PPFIBP1: variants seen among roughly 807,000 people sequenced by gnomAD.
PPFIBP1 encodes the protein PPFIB scaffold protein 1, also known as liprin-beta-1.
In PPFIBP1, 112 loss-of-function variants were observed where a neutral mutation model predicts 137.8. The observed-to-expected ratio is 0.81, with a 90% CI of 0.70 to 0.95. PPFIBP1 has a LOEUF of 0.95. Among genes scored for constraint, PPFIBP1 ranks in the 40% least tolerant of loss-of-function variants. PPFIBP1 has a pLI of 0.00. For synonymous variants in PPFIBP1, 378 were observed against 417.3 expected, an observed-to-expected ratio of 0.91 and a Z score of 1.15; for missense variants, 1,083 against 1,196.6, an observed-to-expected ratio of 0.91 and a Z score of 1.40.
Position 27,650,067 on chromosome 12 carries a change from T to C in PPFIBP1, c.529T>C (p.Ser177Pro), listed in dbSNP as rs1454187685. 1.2e-6 allele frequency: 2 copies of C among 1,605,570 alleles called. No homozygotes were observed. Among genetic ancestry groups the C allele is most frequent in the Non-Finnish European group, 1.7e-6 (2 of 1,172,220 alleles). ...TQKLDLMAEISNLKLKLTAVE... is the reference protein window; with the variant it reads ...TQKLDLMAEIPNLKLKLTAVE... ...GAAGTTGGATCTGATGGCTGAAATA[T>C]CTAACTTGAAGTTGAAACTGACAGC... Residue 177 changes from serine to proline, a missense_variant, in exon 7 of 30, where the codon TCT becomes CCT. Physicochemically the swap from Ser to Pro is moderately conservative, Grantham distance 74. Transcript: ENST00000228425.
At chr12:27,626,312 G>A (rs1273618198) in intron 2 of PPFIBP1, among the ~76,000 whole-genome samples, 1 of 152,158 alleles carries the variant, frequency 6.6e-6, no homozygotes, top group Admixed American at 6.5e-5. Flanking sequence ...CTTCTTCGGA[G>A]CTGTTATTTT....
chr12:27,555,202 A>G lies in PPFIBP1; in HGVS notation c.-123-22950A>G, dbSNP rs1458928935. Among the ~76,000 whole-genome samples the G allele has an allele frequency of 2.0e-5, 3 of 152,194 alleles. 1 individual carries two copies. The South Asian group carries it at 6.2e-4, about 32-fold the overall frequency. ...AGGTCCCCTTCGACAATAAGGTTCT[A>G]TGGTTTTGTAAAATAGCTAGCACCC... On this transcript the variant is annotated intron_variant, in intron 1 of 29. Transcript: ENST00000228425.
At chr12:27,611,827 C>A (rs2055154701) in intron 2 of PPFIBP1, among the ~76,000 whole-genome samples, 2 of 150,372 alleles carry the variant, frequency 1.3e-5, no homozygotes, top group South Asian at 4.2e-4. Flanking sequence ...TCATTTGTTT[C>A]ATGAGTCATT....
chr12:27,629,965 G>C (rs4931208), intron 2 of PPFIBP1, among the ~76,000 whole-genome samples: 47,990 of 151,708 alleles, frequency 0.32, 8,119 homozygotes, highest in Middle Eastern at 0.39. Flanking sequence ...TTGCATATAT[G>C]CCTTATCCTG....
At chr12:27,540,951 C>A (rs147404098) in intron 1 of PPFIBP1, among the ~76,000 whole-genome samples, 1 of 152,080 alleles carries the variant, frequency 6.6e-6, no homozygotes, top group South Asian at 2.1e-4. Flanking sequence ...AATATTTTCA[C>A]CTGCTGTTTC....
At chr12:27,662,886 C>A (rs977807687) in intron 11 of PPFIBP1, among the ~76,000 whole-genome samples, 2 of 152,182 alleles carry the variant, frequency 1.3e-5, no homozygotes, top group African/African-American at 4.8e-5. Context: ...GACTAAGCCA[C>A]AGTTGATGTG....
At chr12:27,591,097 T>G (rs1334309085) in intron 2 of PPFIBP1, among the ~76,000 whole-genome samples, 3 of 149,160 alleles carry the variant, frequency 2.0e-5, no homozygotes, top group Non-Finnish European at 4.5e-5. Flanking sequence ...GATCAAGACT[T>G]TTTTTTTTTT....
At chr12:27,650,849 T>C (rs999270487) in intron 7 of PPFIBP1, among the ~76,000 whole-genome samples, 2 of 152,344 alleles carry the variant, frequency 1.3e-5, no homozygotes, top group Admixed American at 1.3e-4. Flanking sequence ...ACAGAGAGCA[T>C]ATCCATTTGA....
At position 27,677,072 on chromosome 12, in the gene PPFIBP1, C is replaced by A; in HGVS notation, c.1591C>A (p.Arg531=). 2 of 1,614,154 alleles carry A rather than the reference C, an allele frequency of 1.2e-6. No individual in the cohort carries two copies. The highest frequency in any genetic ancestry group is 8.5e-7 in the Non-Finnish European group (1 of 1,180,016). The change falls in exon 19 of 30, where the codon CGA becomes AGA. Residue 531 remains arginine, a synonymous_variant. Coordinates refer to ENST00000228425, the MANE Select transcript of PPFIBP1 (RefSeq NM_003622.4). ...TGTTGGGATATCTGAAGATCGTAAA[C>A]GAAGTGCCAGTGCACCCACCCTAGG... ...TASAPNLDRK[R]SASAPTLAET... is the part of the protein sequence containing the mutation.
chr12:27,557,652 A>G (rs1264516547), intron 1 of PPFIBP1, among the ~76,000 whole-genome samples: 1 of 152,228 alleles, frequency 6.6e-6, no homozygotes, highest in South Asian at 2.1e-4. Context: ...TACATTTACA[A>G]TATAAAAGAA....
chr12:27,544,775 C>A (rs188847880), intron 1 of PPFIBP1, among the ~76,000 whole-genome samples: 1 of 152,266 alleles, frequency 6.6e-6, no homozygotes, highest in East Asian at 1.9e-4. Flanking sequence ...GAAATAGGAA[C>A]GCTGTTGGTG....
intron 7 of PPFIBP1, among the ~76,000 whole-genome samples, chr12:27,651,479 C>T (rs1335682588): frequency 1.3e-5 from 2 of 152,120 alleles, no homozygotes; most frequent in African/African-American, 4.8e-5. Flanking sequence ...AGCTGGGGCT[C>T]TTAAAACAGG....
chr12:27,626,573 CT>C (rs373122635), intron 2 of PPFIBP1, among the ~76,000 whole-genome samples: 48 of 146,178 alleles, frequency 3.3e-4, no homozygotes, highest in Admixed American at 2.7e-4. Flanking sequence ...ATTTGCATTT[CT>C]TTTTTTTTTT....
intron 2 of PPFIBP1, among the ~76,000 whole-genome samples, chr12:27,621,435 A>G (rs532171727): frequency 2.0e-4 from 30 of 152,352 alleles, no homozygotes; most frequent in Non-Finnish European, 3.8e-4. Context: ...GAAAAGCATT[A>G]CATTACCCCT....
intron 2 of PPFIBP1, among the ~76,000 whole-genome samples, chr12:27,625,580 GTT>G (rs35985658): frequency 8.8e-5 from 12 of 136,174 alleles, no homozygotes; most frequent in Admixed American, 7.6e-5. Flanking sequence ...GTTTTTTACA[GTT>G]TTTTTTTTTT....
chr12:27,628,370 G>T (rs375851663), intron 2 of PPFIBP1, among the ~76,000 whole-genome samples: 1 of 152,052 alleles, frequency 6.6e-6, no homozygotes, highest in East Asian at 1.9e-4. Context: ...GTAGAGACAG[G>T]GTCTCACTAT....
chr12:27,633,164 C>T (rs1001595563), intron 2 of PPFIBP1, among the ~76,000 whole-genome samples, 198 bp from the exon 3 acceptor site: 7 of 152,100 alleles, frequency 4.6e-5, no homozygotes, highest in Non-Finnish European at 7.4e-5. Context: ...AGAATGGAAT[C>T]TTCTTTATTA....
chr12:27,585,893 T>G (rs1413877123), intron 2 of PPFIBP1, among the ~76,000 whole-genome samples: 2 of 152,160 alleles, frequency 1.3e-5, no homozygotes, highest in Non-Finnish European at 2.9e-5. Flanking sequence ...ATAAAGGTTC[T>G]GGAGTGTGAG....
intron 18 of PPFIBP1, 189 bp downstream of exon 18, chr12:27,676,788 C>G (rs2060540409): frequency 8.7e-6 from 6 of 689,716 alleles, no homozygotes; most frequent in Non-Finnish European, 1.2e-5. Flanking sequence ...TATATAGACT[C>G]TCACCCTGCT....
Sources: allele counts gnomAD v4.1 joint callset (sites outside exome capture counted in the v4.1 genomes callset), GRCh38; gene constraint gnomAD v4.1.1; transcripts MANE v1.5; gene names NCBI Gene and HGNC (gene_info 2026-07-23, HGNC 2026-07-21).